Variants in GC observed in about 807,000 individuals in gnomAD.
GC encodes the protein vitamin D-binding protein.
In GC, 43 loss-of-function variants were observed where a neutral mutation model predicts 56.7. That is an observed-to-expected ratio of 0.76 (90% CI 0.59 to 0.98). The LOEUF is 0.98. Among genes scored for constraint, GC ranks in the 50% least tolerant of loss-of-function variants. The probability of loss-of-function intolerance (pLI) is 0.00; values close to 1 mark genes in which losing one functional copy is unlikely to be tolerated. For synonymous variants in GC, 216 were observed against 202.7 expected (o/e 1.07, Z -0.56); for missense variants, 529 against 545.9 (o/e 0.97, Z 0.31).
intron 4 of GC, 141 bp from the exon 5 acceptor site, chr4:71,764,077 C>A (rs1252170132): frequency 1.6e-6 from 1 of 626,108 alleles, no homozygotes; most frequent in Admixed American, 2.6e-5. Flanking sequence ...AACCTCCTGG[C>A]CTCAAGCGAT....
chr4:71,761,125 G>C lies in GC; in HGVS notation c.701+2283C>G, dbSNP rs182819694. 4.0e-4 allele frequency among the ~76,000 whole-genome samples: 61 copies of C among 152,318 alleles called. 1 individual carries two copies. The East Asian group carries it at 8.7e-3, about 22-fold the overall frequency. ...ATGTGGGAAAGTTTGAAACTTCCTAGAGACTTGTTGAATGGCTTTGCCCAA... is the reference window on the plus strand; with the variant it reads ...ATGTGGGAAAGTTTGAAACTTCCTACAGACTTGTTGAATGGCTTTGCCCAA... On this transcript the variant is annotated intron_variant, in intron 6 of 12. Coordinates refer to ENST00000273951, the MANE Select transcript of GC (RefSeq NM_000583.4).
intron 9 of GC, among the ~76,000 whole-genome samples, 182 bp from the exon 10 acceptor site, chr4:71,754,690 CTG>C (rs1295659218): frequency 2.0e-5 from 3 of 152,188 alleles, no homozygotes; most frequent in African/African-American, 7.2e-5. Context: ...CTACTCAACT[CTG>C]TACAGAAGCA....
chr4:71,753,446 G>A (rs925125469), intron 10 of GC, among the ~76,000 whole-genome samples: 19 of 150,788 alleles, frequency 1.3e-4, no homozygotes, highest in African/African-American at 3.9e-4. Context: ...TTGAGCTGCC[G>A]GGGGGTGCAA....
At chr4:71,753,534 T>G (rs1486711686) in intron 10 of GC, among the ~76,000 whole-genome samples, 1 of 150,188 alleles carries the variant, frequency 6.7e-6, no homozygotes, top group Non-Finnish European at 1.5e-5. Context: ...ATCTGAGAAA[T>G]TTACTAACGT....
chr4:71,772,949 C>T (rs1281219678), intron 1 of GC, among the ~76,000 whole-genome samples: 1 of 152,014 alleles, frequency 6.6e-6, no homozygotes, highest in African/African-American at 2.4e-5. Context: ...TTTTCAAATA[C>T]AGCAAATAAA....
chr4:71,782,918 T>C (rs1321359842), intron 1 of GC, among the ~76,000 whole-genome samples: 1 of 151,812 alleles, frequency 6.6e-6, no homozygotes, highest in East Asian at 1.9e-4. Context: ...GGAAAGACTT[T>C]GTAGTCTTAC....
intron 1 of GC, among the ~76,000 whole-genome samples, chr4:71,792,303 T>G (rs1354877466): frequency 2.0e-5 from 3 of 152,206 alleles, no homozygotes; most frequent in Non-Finnish European, 4.4e-5. Context: ...GCATTCCTAT[T>G]TCTCCACATT....
rs1298498479 is a variant in GC at position 71,763,874 on chromosome 4, G to C, written c.536C>G (p.Thr179Ser). Reference sequence around the variant, plus strand: ...CCCTACCATAGAAAGATAACTCTTGGTGTAACTGACTAAAAGTGACAGAGG... The same window carrying C: ...CCCTACCATAGAAAGATAACTCTTGCTGTAACTGACTAAAAGTGACAGAGG... ...QAPLSLLVSYTKSYLSMVGSC... is the reference protein window; with the variant it reads ...QAPLSLLVSYSKSYLSMVGSC... Residue 179 changes from threonine to serine, a missense_variant, in exon 5 of 13, where the codon ACC (threonine) becomes AGC (serine). Coordinates refer to ENST00000273951, the MANE Select transcript of GC (RefSeq NM_000583.4). 1.9e-6 allele frequency: 3 copies of C among 1,610,090 alleles called. No individual in the cohort carries two copies. The highest frequency in any genetic ancestry group is 3.3e-5 in the Admixed American group (2 of 60,000).
chr4:71,790,330 A>C (rs922335003), intron 1 of GC, among the ~76,000 whole-genome samples: 1 of 152,044 alleles, frequency 6.6e-6, no homozygotes, highest in Non-Finnish European at 1.5e-5. Context: ...TCTTATACTT[A>C]ATGATTAAAT....
chr4:71,794,789 G>T (rs771465498), intron 1 of GC, among the ~76,000 whole-genome samples: 1 of 152,006 alleles, frequency 6.6e-6, no homozygotes, highest in African/African-American at 2.4e-5. Context: ...TCTCTTGTGG[G>T]CATTTAGTGG....
At chr4:71,744,153 T>G (rs1741274385) in intron 12 of GC, among the ~76,000 whole-genome samples, 1 of 151,880 alleles carries the variant, frequency 6.6e-6, no homozygotes, top group Non-Finnish European at 1.5e-5. Flanking sequence ...GCATCAAAAA[T>G]ACTTCTGGGC....
chr4:71,746,941 G>A (rs552820097), intron 11 of GC, among the ~76,000 whole-genome samples: 65 of 152,100 alleles, frequency 4.3e-4, no homozygotes, highest in African/African-American at 1.5e-3. Flanking sequence ...GAGACCAATG[G>A]ACAGGCTATA....
At chr4:71,791,139 T>C (rs1742959224) in intron 1 of GC, among the ~76,000 whole-genome samples, 1 of 152,114 alleles carries the variant, frequency 6.6e-6, no homozygotes, top group Admixed American at 6.6e-5. Context: ...ATCATATTTT[T>C]ATATCACATT....
At position 71,746,214 on chromosome 4, in the gene GC, GAA is replaced by G; in HGVS notation, c.1396-11_1396-10del. ...TTCAATTCAGCATCAATCTGATAAT[GAA>G]AAAAGAATGTTATATAACTTATGAA... On this transcript the variant is annotated splice_polypyrimidine_tract_variant and intron_variant, in intron 11 of 12. Transcript: ENST00000273951. The G allele has an allele frequency of 8.1e-7, 1 of 1,235,728 alleles. No homozygotes were observed. Among genetic ancestry groups the G allele is most frequent in the Non-Finnish European group, 1.2e-6 (1 of 842,896 alleles). 76.5% of individuals were successfully genotyped at this position (1,235,728 alleles called of 1,614,324 possible). A position where few individuals can be genotyped will look rare whatever the true frequency, so the allele number is the denominator to read the frequency against.
At chr4:71,788,346 C>A (rs762923712), upstream of GC, among the ~76,000 whole-genome samples, 9 of 151,332 alleles carry the variant, frequency 5.9e-5, no homozygotes, top group Non-Finnish European at 1.2e-4. Flanking sequence ...GAAATATATT[C>A]CACAGAGTGC....
At position 71,758,167 on chromosome 4, in the gene GC, G is replaced by C; in HGVS notation, c.706C>G (p.Leu236Val). Residue 236 changes from leucine (L) to valine (V), a missense_variant, in exon 7 of 13, where the codon CTC (leucine) becomes GTC (valine). Physicochemically the swap from Leu to Val is conservative, Grantham distance 32 (BLOSUM62 1). Transcript: ENST00000273951. The stretch of plus-strand genomic sequence containing the variant: ...GGCACTTTTTGGGCTAACTTTATGA[G>C]ATTGCTAAACAGTTAAAAATAAATA... The part of the protein sequence containing the change: ...YGEKKSRLSN[L>V]IKLAQKVPTA... The C allele has an allele frequency of 6.2e-7, 1 of 1,612,490 alleles. No homozygotes were observed. The highest frequency in any genetic ancestry group is 8.5e-7 in the Non-Finnish European group (1 of 1,178,838).
chr4:71,748,556 A>T (rs1484344942), intron 11 of GC, among the ~76,000 whole-genome samples: 1 of 152,138 alleles, frequency 6.6e-6, no homozygotes, highest in Non-Finnish European at 1.5e-5. Flanking sequence ...AAGAGCCCAA[A>T]GGGATGCCCT....
In GC at chr4:71,756,695, A is replaced by G. The variant is rs754603758; in HGVS notation, c.1034+17T>C. Reference sequence around the variant, plus strand: ...GAACTTAAAATGGGAAAACGTTTTCACATCACCTCTACTTACTTATCCATG... The same window carrying G: ...GAACTTAAAATGGGAAAACGTTTTCGCATCACCTCTACTTACTTATCCATG... On this transcript the variant is annotated intron_variant, in intron 8 of 12. Transcript: ENST00000273951. 6.3e-7 allele frequency: 1 copy of G among 1,576,452 alleles called. No individual in the cohort carries two copies. Among genetic ancestry groups the G allele is most frequent in the Admixed American group, 1.7e-5 (1 of 59,884 alleles).
At chr4:71,746,445 A>G (rs1182503447) in intron 11 of GC, among the ~76,000 whole-genome samples, 1 of 151,832 alleles carries the variant, frequency 6.6e-6, no homozygotes, top group Non-Finnish European at 1.5e-5. Context: ...AAATGGCAGT[A>G]GAGTTTAATA....
Sources: gnomAD v4.1 joint callset for allele counts (sites outside exome capture counted in the v4.1 genomes callset) on GRCh38, gnomAD v4.1.1 for gene constraint, MANE v1.5 for transcripts, NCBI Gene and HGNC (gene_info 2026-07-23, HGNC 2026-07-21) for gene names.